The following PIK3R1 variants were observed in gnomAD, a reference collection of about 807,000 sequenced individuals.
PIK3R1 encodes phosphatidylinositol 3-kinase regulatory subunit alpha.
PIK3R1 carries 29 observed loss-of-function variants against 98.0 expected under a neutral mutation model. The observed-to-expected ratio is 0.30, with a 90% CI of 0.22 to 0.40. The LOEUF (loss-of-function observed/expected upper bound fraction) is 0.40, where lower values mean the gene tolerates loss of function less well. Ranked by LOEUF, PIK3R1 falls within the 10% of genes least tolerant of loss-of-function variation. PIK3R1 has a pLI of 1.00. For synonymous variants in PIK3R1, 282 were observed against 311.8 expected, an observed-to-expected ratio of 0.90 and a Z score of 1.01; for missense variants, 596 against 872.7, an observed-to-expected ratio of 0.68 and a Z score of 3.99.
chr5:68,258,904 A>G (rs1317805363), intron 2 of PIK3R1, among the ~76,000 whole-genome samples: 1 of 152,234 alleles, frequency 6.6e-6, no homozygotes, highest in Admixed American at 6.5e-5. Flanking sequence ...AATAGAGTTA[A>G]GCTGTTTTTA....
intron 2 of PIK3R1, among the ~76,000 whole-genome samples, chr5:68,230,288 G>A (rs1744421410): frequency 6.6e-6 from 1 of 152,140 alleles, no homozygotes; most frequent in Admixed American, 6.5e-5. Context: ...ATTGTTCATT[G>A]ACTGTTCCCT....
At chr5:68,230,928 C>G (rs1744441452) in intron 2 of PIK3R1, among the ~76,000 whole-genome samples, 1 of 151,986 alleles carries the variant, frequency 6.6e-6, no homozygotes, top group Non-Finnish European at 1.5e-5. Context: ...TGTTACATGT[C>G]CTCGGGTGAG....
In PIK3R1 at chr5:68,224,069, G is replaced by T. The variant is rs138117821; in HGVS notation, c.-386-2221G>T. 1.3e-3 allele frequency among the ~76,000 whole-genome samples: 200 copies of T among 152,250 alleles called. 1 individual carries two copies. The highest frequency in any genetic ancestry group is 2.5e-3 in the Non-Finnish European group (173 of 67,986). On this transcript the variant is annotated intron_variant, in intron 1 of 15. Coordinates refer to ENST00000521381, the MANE Select transcript of PIK3R1 (RefSeq NM_181523.3). ...GAGGATTTTTTTTTCCCCCCTAAAA[G>T]ACATACATTGCCAGGAAAAGCTAAC...
At chr5:68,269,761 T>C (rs1308875724) in intron 2 of PIK3R1, among the ~76,000 whole-genome samples, 2 of 152,200 alleles carry the variant, frequency 1.3e-5, no homozygotes, top group Non-Finnish European at 2.9e-5. Flanking sequence ...AAGTAGATGA[T>C]ATAAACTTTA....
In PIK3R1 at chr5:68,297,982, TGGAGAGCGGA is replaced by T. The variant is rs1747826305; in HGVS notation, c.*388_*397del. ...CTTTACCAGCTGAAAGTTGGGACTC[TGGAGAGCGGA>T]GGAGAGAGAGGCAGAAGAACCCTGG... On this transcript the variant is annotated 3_prime_UTR_variant, in exon 16 of 16. Transcript: ENST00000521381. The T allele has an allele frequency of 4.2e-6, 1 of 238,902 alleles. No individual in the cohort carries two copies. Among genetic ancestry groups the T allele is most frequent in the African/African-American group, 2.2e-5 (1 of 45,354 alleles). The allele number at this position is 238,902 out of a possible 1,614,324, so 14.8% of individuals were successfully genotyped here.
intron 2 of PIK3R1, among the ~76,000 whole-genome samples, chr5:68,265,794 A>G (rs1017235582): frequency 1.3e-5 from 2 of 152,244 alleles, no homozygotes; most frequent in South Asian, 4.1e-4. Flanking sequence ...TAAAGCAAAT[A>G]TGAAAATGTT....
rs528059710 is a variant in PIK3R1 at position 68,222,507 on chromosome 5, C to T, written c.-386-3783C>T. On this transcript the variant is annotated intron_variant, in intron 1 of 15. Coordinates refer to ENST00000521381, the MANE Select transcript of PIK3R1 (RefSeq NM_181523.3). ...TCATAGAGCAGAAATAGGCAGGATT[C>T]CAGAAGTGGGCAGCCTTCCAGAAGT... Among the ~76,000 whole-genome samples, 349 of 152,168 alleles carry T rather than the reference C, an allele frequency of 2.3e-3. 2 individuals are homozygous for T. The highest frequency in any genetic ancestry group is 8.1e-3 in the African/African-American group (335 of 41,518).
chr5:68,291,803 A>C (rs1747409233), intron 7 of PIK3R1: 1 of 153,976 alleles, frequency 6.5e-6, no homozygotes. Context: ...TTACTGCAAC[A>C]GAGTTTGTGG....
chr5:68,293,680 A>T (rs1198197460), intron 10 of PIK3R1, 29 bp from the exon 11 acceptor site: 1 of 1,344,770 alleles, frequency 7.4e-7, no homozygotes, highest in Non-Finnish European at 1.0e-6. Context: ...TAAATACCTT[A>T]TCCATTGAAT....
chr5:68,277,733 G>A (rs1386745975), intron 4 of PIK3R1, among the ~76,000 whole-genome samples: 1 of 152,152 alleles, frequency 6.6e-6, no homozygotes, highest in African/African-American at 2.4e-5. Flanking sequence ...CTAGGCCACA[G>A]CCCAATGCAG....
rs1030658720 is a variant in PIK3R1 at position 68,232,343 on chromosome 5, C to T, written c.334+5334C>T. Among the ~76,000 whole-genome samples, 38 of 152,062 alleles carry T rather than the reference C, an allele frequency of 2.5e-4. 1 individual carries two copies. Among genetic ancestry groups the T allele is most frequent in the Admixed American group, 2.3e-3 (35 of 15,270 alleles). On this transcript the variant is annotated intron_variant, in intron 2 of 15. Coordinates refer to ENST00000521381, the MANE Select transcript of PIK3R1 (RefSeq NM_181523.3). ...AGCCCTAATTAGCGATTTGTGTATC[C>T]GTGGTTTTTTGAAAATGAAATTGAC...
Position 68,289,759 on chromosome 5 carries a change from CAAAAAAAAAAAAA to C in PIK3R1, c.917-2485_917-2473del, listed in dbSNP as rs71305021. On this transcript the variant is annotated intron_variant, in intron 7 of 15. Coordinates refer to ENST00000521381, the MANE Select transcript of PIK3R1 (RefSeq NM_181523.3). Reference sequence around the variant, plus strand: ...GGCATTTGAGATAGAGGGGGAAAAGCAAAAAAAAAAAAAAAAAAAAAAAAAAAGTGATTACATC... The same window carrying C: ...GGCATTTGAGATAGAGGGGGAAAAGCAAAAAAAAAAAAAAGTGATTACATC... Among the ~76,000 whole-genome samples the C allele has an allele frequency of 7.3e-3, 377 of 51,888 alleles. 4 individuals are homozygous for C. The highest frequency in any genetic ancestry group is 0.022 in the African/African-American group (352 of 16,174). 34.0% of individuals were successfully genotyped at this position (51,888 alleles called of 152,430 possible).
intron 7 of PIK3R1, among the ~76,000 whole-genome samples, chr5:68,286,032 G>A (rs1038886050): frequency 2.0e-5 from 3 of 152,184 alleles, no homozygotes; most frequent in African/African-American, 7.2e-5. Context: ...TTTCTAGGTT[G>A]AAAGCTGCTT....
intron 2 of PIK3R1, among the ~76,000 whole-genome samples, chr5:68,254,228 C>T (rs1417071767): frequency 1.3e-5 from 2 of 152,212 alleles, no homozygotes; most frequent in African/African-American, 4.8e-5. Flanking sequence ...AAGAATGATT[C>T]TGCATCCTTA....
chr5:68,292,416 C>T (rs1747446616), intron 8 of PIK3R1, 55 bp downstream of exon 8: 1 of 1,493,036 alleles, frequency 6.7e-7, no homozygotes, highest in Non-Finnish European at 9.3e-7. Context: ...GAAAGAAAAG[C>T]ACCAGCTTGC....
At chr5:68,296,912 C>T (rs1747747205) in intron 15 of PIK3R1, among the ~76,000 whole-genome samples, 1 of 152,156 alleles carries the variant, frequency 6.6e-6, no homozygotes, top group Admixed American at 6.5e-5. Flanking sequence ...AATAGTCCTA[C>T]AGCAAAGAAG....
intron 1 of PIK3R1, among the ~76,000 whole-genome samples, chr5:68,218,085 A>G (rs1285727197): frequency 6.6e-6 from 1 of 152,036 alleles, no homozygotes; most frequent in Non-Finnish European, 1.5e-5. Context: ...CCATTTATTG[A>G]ATGTTTTTTC....
At chr5:68,266,369 T>C (rs1746123746) in intron 2 of PIK3R1, among the ~76,000 whole-genome samples, 1 of 152,242 alleles carries the variant, frequency 6.6e-6, no homozygotes, top group Non-Finnish European at 1.5e-5. Context: ...GTGGTTCATC[T>C]GGAATGCCCC....
intron 2 of PIK3R1, among the ~76,000 whole-genome samples, chr5:68,233,853 G>T (rs1354593998): frequency 2.0e-5 from 3 of 152,182 alleles, no homozygotes; most frequent in African/African-American, 7.2e-5. Context: ...AGGCATGGCT[G>T]TGATTTTCAG....
Sources: gnomAD v4.1 joint callset for allele counts (sites outside exome capture counted in the v4.1 genomes callset) on GRCh38, gnomAD v4.1.1 for gene constraint, MANE v1.5 for transcripts, NCBI Gene and HGNC (gene_info 2026-07-23, HGNC 2026-07-21) for gene names.